Variants in NEK5 observed in about 807,000 individuals in gnomAD.
The protein encoded by NEK5 is NIMA related kinase 5, also known as serine/threonine-protein kinase Nek5.
A neutral mutation model predicts 109.2 loss-of-function variants in NEK5; 88 were observed. The ratio of observed to expected loss-of-function variants is 0.81; its 90% CI spans 0.68 to 0.96. The LOEUF is 0.96. Among genes scored for constraint, NEK5 ranks in the 40% least tolerant of loss-of-function variants. The pLI, the probability that NEK5 is intolerant of heterozygous loss-of-function variation, is 0.00. For synonymous variants in NEK5, 283 were observed against 299.9 expected (o/e 0.94, Z 0.58); for missense variants, 834 against 920.7 (o/e 0.91, Z 1.22).
At chr13:52,067,078 A>G (rs538072579) in intron 20 of NEK5, among the ~76,000 whole-genome samples, 2 of 152,244 alleles carry the variant, frequency 1.3e-5, no homozygotes, top group East Asian at 1.9e-4. Flanking sequence ...TGTTTTAACT[A>G]TTTGGGTGCT....
intron 17 of NEK5, chr13:52,082,188 G>A (rs905291202): frequency 1.6e-5 from 4 of 257,532 alleles, no homozygotes; most frequent in South Asian, 7.7e-5. Flanking sequence ...GGTGGCAGGC[G>A]CCTATAATTC....
intron 20 of NEK5, among the ~76,000 whole-genome samples, chr13:52,069,794 T>C (rs1954756430): frequency 6.6e-6 from 1 of 152,182 alleles, no homozygotes; most frequent in Non-Finnish European, 1.5e-5. Flanking sequence ...CTCCATGCCA[T>C]CCTTTGCTCT....
intron 4 of NEK5, among the ~76,000 whole-genome samples, chr13:52,117,697 A>G (rs1955887583): frequency 6.6e-6 from 1 of 152,182 alleles, no homozygotes; most frequent in Admixed American, 6.5e-5. Flanking sequence ...AAACAGATGG[A>G]GCCCCAAAAT....
intron 22 of NEK5, among the ~76,000 whole-genome samples, chr13:52,055,806 A>T (rs1243909585): frequency 6.6e-6 from 1 of 152,182 alleles, no homozygotes; most frequent in Non-Finnish European, 1.5e-5. Flanking sequence ...AGCGCTAAAC[A>T]TGGAAAGGAA....
At chr13:52,061,546 C>T (rs1268970046) in intron 22 of NEK5, among the ~76,000 whole-genome samples, 5 of 152,178 alleles carry the variant, frequency 3.3e-5, no homozygotes, top group Admixed American at 6.5e-5. Flanking sequence ...AATACTGGAT[C>T]GTCAGCTACA....
intron 20 of NEK5, among the ~76,000 whole-genome samples, chr13:52,067,670 C>G (rs7336985): frequency 0.027 from 3,973 of 144,886 alleles, 198 homozygotes; most frequent in African/African-American, 0.095. Flanking sequence ...GTCTTTACAC[C>G]ACGTCATTTT....
intron 23 of NEK5, among the ~76,000 whole-genome samples, chr13:52,042,997 G>A (rs1271135486): frequency 6.6e-6 from 1 of 151,676 alleles, no homozygotes; most frequent in Non-Finnish European, 1.5e-5. Flanking sequence ...ATGACAAGGA[G>A]CACATAAACC....
At chr13:52,123,795 C>A (rs916805318) in intron 3 of NEK5, among the ~76,000 whole-genome samples, 4 of 147,762 alleles carry the variant, frequency 2.7e-5, no homozygotes, top group Non-Finnish European at 6.1e-5. Context: ...AGGATAAATT[C>A]TTTAGAGTGG....
chr13:52,105,010 A>T (rs915077882), intron 8 of NEK5, among the ~76,000 whole-genome samples: 1 of 152,230 alleles, frequency 6.6e-6, no homozygotes, highest in Non-Finnish European at 1.5e-5. Context: ...ATAAACATTT[A>T]AAAATATACT....
chr13:52,052,452 GGCTGCTCACAGAGTA>G (rs1048856444), intron 22 of NEK5, among the ~76,000 whole-genome samples: 1 of 152,078 alleles, frequency 6.6e-6, no homozygotes, highest in African/African-American at 2.4e-5. Flanking sequence ...ATTGGGGATG[GGCTGCTCACAGAGTA>G]GCTTGACTGG....
chr13:52,088,295 C>T (rs1350453363), intron 14 of NEK5, among the ~76,000 whole-genome samples: 1 of 151,630 alleles, frequency 6.6e-6, no homozygotes, highest in East Asian at 1.9e-4. Context: ...CGTTCTGTCG[C>T]CCAGGCTAGA....
At chr13:52,065,219 C>T (rs558634440) in intron 21 of NEK5, 14 of 522,146 alleles carry the variant, frequency 2.7e-5, no homozygotes, top group South Asian at 1.3e-4. Context: ...TCCTTCCTCA[C>T]GCATTTTCCC....
At chr13:52,070,042 T>G (rs1039686650) in intron 20 of NEK5, among the ~76,000 whole-genome samples, 3 of 152,204 alleles carry the variant, frequency 2.0e-5, no homozygotes, top group African/African-American at 7.2e-5. Context: ...ACAAAGGAGA[T>G]CCTCAATAAG....
chr13:52,078,592 G>GTTTT (rs10634598), intron 17 of NEK5, among the ~76,000 whole-genome samples: 1 of 149,264 alleles, frequency 6.7e-6, no homozygotes. Context: ...CAATAAAACT[G>GTTTT]TTTTTTTTTT....
At chr13:52,038,054 A>G (rs77190794) in intron 23 of NEK5, among the ~76,000 whole-genome samples, 1,858 of 152,334 alleles carry the variant, frequency 0.012, 38 homozygotes, top group African/African-American at 0.043. Flanking sequence ...ATCTGCACCA[A>G]CCTAAATTAA....
chr13:52,082,331 A>T, intron 17 of NEK5: 1 of 1,121,170 alleles, frequency 8.9e-7, no homozygotes, highest in South Asian at 1.4e-5. Context: ...AAAAGATAAT[A>T]ATAATTCTTA....
intron 17 of NEK5, among the ~76,000 whole-genome samples, chr13:52,077,465 C>A (rs892832378): frequency 6.6e-6 from 1 of 151,998 alleles, no homozygotes. Flanking sequence ...AGCCATGGTG[C>A]GGGGATGGGG....
At chr13:52,096,876 C>T (rs1228904221) in intron 12 of NEK5, among the ~76,000 whole-genome samples, 2 of 152,310 alleles carry the variant, frequency 1.3e-5, no homozygotes, top group African/African-American at 2.4e-5. Flanking sequence ...CAGCCCCTCT[C>T]ATCACAGGCC....
chr13:52,127,578 A>C lies in NEK5; in HGVS notation c.-23+17T>G. The C allele has an allele frequency of 1.4e-6, 1 of 732,568 alleles. No homozygotes were observed. The highest frequency in any genetic ancestry group is 1.8e-5 in the African/African-American group (1 of 56,710). 45.4% of individuals were successfully genotyped at this position (732,568 alleles called of 1,614,324 possible). A position where few individuals can be genotyped will look rare whatever the true frequency, so the allele number is the denominator to read the frequency against. On this transcript the variant is annotated intron_variant, in intron 2 of 23. Transcript: ENST00000684899. ...ACAAAGTCAGAAAACTGATGACTAA[A>C]GTGTAAAAGAACTCACTTAGCTAAA...
Sources: gnomAD v4.1 joint callset for allele counts (sites outside exome capture counted in the v4.1 genomes callset) on GRCh38, gnomAD v4.1.1 for gene constraint, MANE v1.5 for transcripts, NCBI Gene and HGNC (gene_info 2026-07-23, HGNC 2026-07-21) for gene names.